The following KCNIP1 variants were observed in gnomAD, a reference collection of about 807,000 sequenced individuals.
KCNIP1 encodes potassium voltage-gated channel interacting protein 1.
KCNIP1 carries 18 observed loss-of-function variants against 33.0 expected under a neutral mutation model. The ratio of observed to expected loss-of-function variants is 0.55; its 90% confidence interval spans 0.38 to 0.81. The LOEUF (loss-of-function observed/expected upper bound fraction) is 0.81. Among genes scored for constraint, KCNIP1 ranks in the 30% least tolerant of loss-of-function variants. KCNIP1 has a pLI of 0.00. For missense variants in KCNIP1, 238 were observed against 271.6 expected (o/e 0.88, Z 0.87); for synonymous variants, 93 against 98.3 (o/e 0.95, Z 0.32).
chr5:170,461,690 C>T (rs983786438), intron 1 of KCNIP1, among the ~76,000 whole-genome samples: 2 of 151,258 alleles, frequency 1.3e-5, no homozygotes, highest in African/African-American at 4.9e-5. Context: ...GCAGAGCTTG[C>T]AGTGAGCTGA....
intron 1 of KCNIP1, among the ~76,000 whole-genome samples, chr5:170,606,803 T>C (rs978009465): frequency 1.3e-5 from 2 of 152,256 alleles, no homozygotes; most frequent in African/African-American, 4.8e-5. Context: ...ACTTGTTCTT[T>C]GCAGAACCTC....
chr5:170,647,380 T>TAA (rs1581442562), intron 1 of KCNIP1, among the ~76,000 whole-genome samples: 1 of 152,080 alleles, frequency 6.6e-6, no homozygotes, highest in East Asian at 1.9e-4. Context: ...AGACTAACTC[T>TAA]AAAGCCATGA....
chr5:170,729,646 C>T (rs765375848), intron 5 of KCNIP1, among the ~76,000 whole-genome samples: 1 of 151,886 alleles, frequency 6.6e-6, no homozygotes, highest in South Asian at 2.1e-4. Context: ...TATTAGAGAC[C>T]TCACTAAGAA....
chr5:170,583,027 A>T (rs1561699385), intron 1 of KCNIP1, among the ~76,000 whole-genome samples: 1 of 152,212 alleles, frequency 6.6e-6, no homozygotes, highest in Non-Finnish European at 1.5e-5. Context: ...AGTTGCCTAC[A>T]CGATAAAAAT....
intron 1 of KCNIP1, among the ~76,000 whole-genome samples, chr5:170,718,535 T>A (rs1763707503): frequency 6.6e-6 from 1 of 152,168 alleles, no homozygotes; most frequent in African/African-American, 2.4e-5. Context: ...ACTGGGAACA[T>A]GTTTCTCTCC....
At chr5:170,402,365 T>G (rs1237088945) in intron 1 of KCNIP1, among the ~76,000 whole-genome samples, 1 of 152,160 alleles carries the variant, frequency 6.6e-6, no homozygotes, top group African/African-American at 2.4e-5. Flanking sequence ...CACGATGGAC[T>G]AACTGCCGCA....
At chr5:170,516,814 G>A (rs1755140799) in intron 1 of KCNIP1, among the ~76,000 whole-genome samples, 1 of 152,304 alleles carries the variant, frequency 6.6e-6, no homozygotes, top group Middle Eastern at 3.4e-3. Context: ...AACAATCATG[G>A]TATCAATTCA....
intron 1 of KCNIP1, among the ~76,000 whole-genome samples, chr5:170,705,333 A>G (rs566936588): frequency 6.6e-6 from 1 of 152,316 alleles, no homozygotes; most frequent in African/African-American, 2.4e-5. Context: ...GCGGATATAC[A>G]TTCTCAGATG....
At chr5:170,574,591 C>T (rs543382861) in intron 1 of KCNIP1, among the ~76,000 whole-genome samples, 5 of 152,304 alleles carry the variant, frequency 3.3e-5, no homozygotes, top group Admixed American at 6.5e-5. Flanking sequence ...TGCATTTGTA[C>T]GATTATCTTC....
chr5:170,736,116 G>A lies in KCNIP1; in HGVS notation c.*310G>A, dbSNP rs531107791. 216 of 335,482 alleles carry A rather than the reference G, an allele frequency of 6.4e-4. 1 individual carries two copies. The highest frequency in any genetic ancestry group is 6.7e-4 in the Non-Finnish European group (123 of 182,874). The allele number at this position is 335,482 out of a possible 1,614,324, so 20.8% of individuals were successfully genotyped here. A position where few individuals can be genotyped will look rare whatever the true frequency, so the allele number is the denominator to read the frequency against. On this transcript the variant is annotated 3_prime_UTR_variant, in exon 8 of 8. Coordinates refer to ENST00000328939, the MANE Select transcript of KCNIP1 (RefSeq NM_014592.4). ...TCCCTCTGCTTAAGCTTAAACAGTA[G>A]TGCACAAAATATGCTGCTTACGTGC... is the stretch of plus-strand genomic sequence containing the variant.
chr5:170,491,599 G>A (rs140893006), intron 1 of KCNIP1, among the ~76,000 whole-genome samples: 3 of 152,314 alleles, frequency 2.0e-5, no homozygotes, highest in African/African-American at 7.2e-5. Flanking sequence ...TGTGGTTTAA[G>A]CTTCATGTGA....
At chr5:170,503,261 G>C (rs1241085050), upstream of KCNIP1, among the ~76,000 whole-genome samples, 1 of 151,998 alleles carries the variant, frequency 6.6e-6, no homozygotes, top group African/African-American at 2.4e-5. Context: ...GGGCCTAGTG[G>C]TGGGCGCCTG....
chr5:170,487,984 T>C (rs2113191835), intron 1 of KCNIP1, among the ~76,000 whole-genome samples: 1 of 152,298 alleles, frequency 6.6e-6, no homozygotes, highest in Admixed American at 6.5e-5. Flanking sequence ...GAGTTAGCCC[T>C]TCTGAAATAT....
chr5:170,599,342 C>T (rs1415500614), intron 1 of KCNIP1, among the ~76,000 whole-genome samples: 1 of 152,128 alleles, frequency 6.6e-6, no homozygotes, highest in African/African-American at 2.4e-5. Flanking sequence ...CTCATCCAGA[C>T]ACAGGTAAGA....
At chr5:170,535,910 G>T (rs182285964) in intron 1 of KCNIP1, among the ~76,000 whole-genome samples, 1 of 152,132 alleles carries the variant, frequency 6.6e-6, no homozygotes, top group Admixed American at 6.5e-5. Flanking sequence ...AGTGGAAAGG[G>T]GCCTGAGGAA....
chr5:170,453,006 T>C (rs1756291692), intron 1 of KCNIP1, among the ~76,000 whole-genome samples: 1 of 152,246 alleles, frequency 6.6e-6, no homozygotes, highest in Admixed American at 6.5e-5. Context: ...ACAGGATTAT[T>C]ACTGATTAAG....
intron 1 of KCNIP1, among the ~76,000 whole-genome samples, chr5:170,537,032 C>G (rs1217797826): frequency 2.0e-5 from 3 of 152,190 alleles, no homozygotes; most frequent in African/African-American, 7.2e-5. Context: ...AGGGTTCGTT[C>G]CTCTGCCAGC....
chr5:170,616,112 C>T (rs1759357762), intron 1 of KCNIP1, among the ~76,000 whole-genome samples: 1 of 152,128 alleles, frequency 6.6e-6, no homozygotes, highest in Non-Finnish European at 1.5e-5. Context: ...CTGGCTTTTC[C>T]AATGGCTGAT....
intron 1 of KCNIP1, among the ~76,000 whole-genome samples, chr5:170,711,287 C>T (rs968685459): frequency 6.6e-6 from 1 of 152,180 alleles, no homozygotes; most frequent in African/African-American, 2.4e-5. Context: ...AGTTTCTAAT[C>T]CATGGTCTAT....
Sources: allele counts gnomAD v4.1 joint callset (sites outside exome capture counted in the v4.1 genomes callset), GRCh38; gene constraint gnomAD v4.1.1; transcripts MANE v1.5; gene names NCBI Gene and HGNC (gene_info 2026-07-23, HGNC 2026-07-21).